The following ARID4B variants were observed in gnomAD, a reference collection of about 807,000 sequenced individuals.
ARID4B encodes the protein AT-rich interaction domain 4B, also known as AT-rich interactive domain-containing protein 4B.
In ARID4B, 26 loss-of-function variants were observed where a neutral mutation model predicts 147.5. That is an observed-to-expected ratio of 0.18 (90% CI 0.13 to 0.24). The LOEUF (loss-of-function observed/expected upper bound fraction) is 0.24. Ranked by LOEUF, ARID4B falls within the 10% of genes least tolerant of loss-of-function variation. ARID4B has a pLI of 1.00. For missense variants in ARID4B, 1,179 were observed against 1,511.5 expected, an observed-to-expected ratio of 0.78 and a Z score of 3.65; for synonymous variants, 512 against 507.9, an observed-to-expected ratio of 1.01 and a Z score of -0.11.
intron 16 of ARID4B, among the ~76,000 whole-genome samples, chr1:235,216,660 CAAT>C (rs1667107770): frequency 1.3e-5 from 2 of 151,760 alleles, no homozygotes; most frequent in African/African-American, 4.8e-5. Context: ...AAAATATTAA[CAAT>C]GTTATTGAAA....
intron 23 of ARID4B, among the ~76,000 whole-genome samples, chr1:235,171,203 A>C (rs1165052752): frequency 6.6e-6 from 1 of 152,106 alleles, no homozygotes; most frequent in Non-Finnish European, 1.5e-5. Flanking sequence ...AGACTGAAGC[A>C]GGCGGATCAC....
At chr1:235,231,476 C>CTT (rs1230600468) in intron 9 of ARID4B, among the ~76,000 whole-genome samples, 2 of 152,000 alleles carry the variant, frequency 1.3e-5, no homozygotes, top group Admixed American at 6.6e-5. Context: ...ACACTGAAAA[C>CTT]TTTTTTTGTT....
At chr1:235,197,626 T>C (rs2102969341) in intron 17 of ARID4B, among the ~76,000 whole-genome samples, 1 of 152,348 alleles carries the variant, frequency 6.6e-6, no homozygotes, top group African/African-American at 2.4e-5. Context: ...CCTAGTTATG[T>C]GGTCCTGATC....
chr1:235,321,430 A>G (rs1310944328), intron 2 of ARID4B, among the ~76,000 whole-genome samples: 1 of 152,150 alleles, frequency 6.6e-6, no homozygotes, highest in Non-Finnish European at 1.5e-5. Context: ...CATGCTTCAA[A>G]TGACAGTAAC....
At chr1:235,211,160 C>G (rs1037777285) in intron 17 of ARID4B, among the ~76,000 whole-genome samples, 2 of 152,122 alleles carry the variant, frequency 1.3e-5, no homozygotes, top group African/African-American at 4.8e-5. Flanking sequence ...ATGGAGAAAC[C>G]CCATCTCTAC....
chr1:235,242,223 G>A (rs1470702169), intron 7 of ARID4B, among the ~76,000 whole-genome samples: 2 of 149,838 alleles, frequency 1.3e-5, no homozygotes, highest in Non-Finnish European at 3.0e-5. Flanking sequence ...ACTCCAGCCT[G>A]GGCGACAGAG....
intron 2 of ARID4B, among the ~76,000 whole-genome samples, chr1:235,324,155 C>T (rs1675048504): frequency 1.3e-5 from 2 of 152,152 alleles, no homozygotes; most frequent in African/African-American, 4.8e-5. Context: ...GATCCTCCTA[C>T]CTCGGCCTCC....
intron 2 of ARID4B, among the ~76,000 whole-genome samples, chr1:235,280,802 G>T (rs1671618695): frequency 1.3e-5 from 2 of 152,222 alleles, no homozygotes; most frequent in African/African-American, 4.8e-5. Flanking sequence ...CAAGGCAGTG[G>T]GGATAAAGGT....
chr1:235,256,111 T>G (rs1018601129), intron 4 of ARID4B, among the ~76,000 whole-genome samples: 4 of 145,120 alleles, frequency 2.8e-5, no homozygotes, highest in Non-Finnish European at 4.5e-5. Flanking sequence ...GAGGTGGAGG[T>G]TGCAGTGAGC....
intron 2 of ARID4B, among the ~76,000 whole-genome samples, chr1:235,302,364 G>A (rs1465352750): frequency 6.7e-6 from 1 of 150,024 alleles, no homozygotes; most frequent in Non-Finnish European, 1.5e-5. Context: ...GAAAGGAGTG[G>A]GGACAGAAAG....
chr1:235,244,722 C>T (rs543962376), intron 7 of ARID4B, among the ~76,000 whole-genome samples: 1 of 152,284 alleles, frequency 6.6e-6, no homozygotes, highest in South Asian at 2.1e-4. Context: ...GATAACTTTA[C>T]ATATCTTTGT....
chr1:235,231,780 A>G (rs981828542), intron 9 of ARID4B, among the ~76,000 whole-genome samples: 8 of 152,004 alleles, frequency 5.3e-5, no homozygotes, highest in African/African-American at 1.9e-4. Flanking sequence ...GAGCCACCAC[A>G]CCCGGCCAAA....
At chr1:235,273,960 C>T (rs555274784) in intron 2 of ARID4B, among the ~76,000 whole-genome samples, 8 of 152,232 alleles carry the variant, frequency 5.3e-5, no homozygotes, top group Admixed American at 3.9e-4. Context: ...TATAATCAAA[C>T]CTGCAACAAG....
At chr1:235,209,428 G>A (rs371273820) in intron 17 of ARID4B, among the ~76,000 whole-genome samples, 1 of 151,874 alleles carries the variant, frequency 6.6e-6, no homozygotes, top group Non-Finnish European at 1.5e-5. Context: ...ATGATATCAC[G>A]GCGCTGCACT....
chr1:235,260,321 C>A (rs1320726015), intron 3 of ARID4B, among the ~76,000 whole-genome samples: 4 of 152,114 alleles, frequency 2.6e-5, no homozygotes, highest in Non-Finnish European at 4.4e-5. Context: ...AAATCACTAA[C>A]CCTCTCCGAG....
chr1:235,238,362 A>G (rs1668759099), intron 8 of ARID4B, among the ~76,000 whole-genome samples: 1 of 152,198 alleles, frequency 6.6e-6, no homozygotes, highest in African/African-American at 2.4e-5. Flanking sequence ...ATTAGAGGAG[A>G]ATTTGGCTAA....
At chr1:235,249,870 G>A (rs1259701549) in intron 6 of ARID4B, among the ~76,000 whole-genome samples, 18 of 151,496 alleles carry the variant, frequency 1.2e-4, no homozygotes, top group Non-Finnish European at 2.2e-4. Context: ...AACACGGGAG[G>A]CAGAGGTTGC....
chr1:235,239,944 A>AT (rs1668879081), intron 8 of ARID4B, among the ~76,000 whole-genome samples: 1 of 152,198 alleles, frequency 6.6e-6, no homozygotes, highest in Admixed American at 6.5e-5. Flanking sequence ...AAACACCCTG[A>AT]TTCACTAAGT....
intron 2 of ARID4B, among the ~76,000 whole-genome samples, chr1:235,318,168 C>CTTTTTT (rs372816686): frequency 8.9e-6 from 1 of 111,988 alleles, no homozygotes; most frequent in Non-Finnish European, 1.7e-5. Flanking sequence ...CTTGCTACTC[C>CTTTTTT]TTTTTTTTTT....
Sources: gnomAD v4.1 joint callset for allele counts (sites outside exome capture counted in the v4.1 genomes callset) on GRCh38, gnomAD v4.1.1 for gene constraint, MANE v1.5 for transcripts, NCBI Gene and HGNC (gene_info 2026-07-23, HGNC 2026-07-21) for gene names.